Variants in DNAH9 observed in about 807,000 individuals in gnomAD.
DNAH9 encodes the protein DNAH9 variant protein.
In DNAH9, 345 loss-of-function variants were observed where a neutral mutation model predicts 471.6. The ratio of observed to expected loss-of-function variants is 0.73; its 90% CI spans 0.67 to 0.80. The LOEUF (loss-of-function observed/expected upper bound fraction) is 0.80. DNAH9 is among the 30% of genes least tolerant of loss of function. The pLI, the probability that DNAH9 is intolerant of heterozygous loss-of-function variation, is 0.00. For missense variants in DNAH9, 5,407 were observed against 5,609.2 expected, an observed-to-expected ratio of 0.96 and a Z score of 1.15; for synonymous variants, 2,093 against 2,123.6, an observed-to-expected ratio of 0.99 and a Z score of 0.40.
At position 11,923,731 on chromosome 17, in the gene DNAH9, T is replaced by C. The variant is rs1236811726; in HGVS notation, c.11750-83T>C. ...GCATGCCCGTGTTTGAGGGGTGATC[T>C]GAGCGTGTGCATTTCCTTATGAACA... is the stretch of plus-strand genomic sequence containing the variant. On this transcript the variant is annotated intron_variant, in intron 61 of 68. Coordinates refer to ENST00000262442, the MANE Select transcript of DNAH9 (RefSeq NM_001372.4). 1.9e-6 allele frequency: 3 copies of C among 1,549,964 alleles called. No homozygotes were observed. In the East Asian group the frequency reaches 6.8e-5, roughly 35 times the overall value.
intron 67 of DNAH9, among the ~76,000 whole-genome samples, chr17:11,957,927 CG>C (rs1412821791): frequency 2.6e-5 from 4 of 152,086 alleles, no homozygotes; most frequent in Non-Finnish European, 4.4e-5. Context: ...ATCTCAAAAT[CG>C]TAAGTTTAAT....
intron 2 of DNAH9, 107 bp downstream of exon 2, chr17:11,608,432 G>A (rs144614487): frequency 1.1e-4 from 98 of 860,602 alleles, no homozygotes; most frequent in African/African-American, 6.9e-4. Flanking sequence ...ACATCTCCTC[G>A]TTCTGCACAC....
At chr17:11,628,121 A>G (rs979334361) in intron 6 of DNAH9, among the ~76,000 whole-genome samples, 3 of 152,244 alleles carry the variant, frequency 2.0e-5, no homozygotes, top group African/African-American at 7.2e-5. Context: ...TTTTACTGTC[A>G]TCTTTCCTGC....
intron 26 of DNAH9, among the ~76,000 whole-genome samples, chr17:11,706,876 G>C (rs1199198687): frequency 6.6e-6 from 1 of 152,196 alleles, no homozygotes; most frequent in African/African-American, 2.4e-5. Context: ...CTCAAGATAT[G>C]TTCCTGGAAG....
chr17:11,652,506 C>T lies in DNAH9; in HGVS notation c.2354-255C>T, dbSNP rs538434468. On this transcript the variant is annotated intron_variant, in intron 13 of 68. Coordinates refer to ENST00000262442, the MANE Select transcript of DNAH9 (RefSeq NM_001372.4). Reference sequence around the variant, plus strand: ...TTCACCGTGTTAGCCAGGATGGTCTCGATCTCCTGACCTCGTGATCCGCCC... The same window carrying T: ...TTCACCGTGTTAGCCAGGATGGTCTTGATCTCCTGACCTCGTGATCCGCCC... Among the ~76,000 whole-genome samples, 340 of 151,960 alleles carry T rather than the reference C, an allele frequency of 2.2e-3. 2 individuals carry two copies. The highest frequency in any genetic ancestry group is 7.3e-3 in the African/African-American group (303 of 41,434).
chr17:11,818,666 T>A (rs1970197086), intron 45 of DNAH9, among the ~76,000 whole-genome samples: 1 of 152,096 alleles, frequency 6.6e-6, no homozygotes, highest in African/African-American at 2.4e-5. Context: ...CCTAAAGACT[T>A]GTTCTAGAAA....
chr17:11,859,643 GGC>G (rs1427900427), intron 50 of DNAH9, among the ~76,000 whole-genome samples: 1 of 152,096 alleles, frequency 6.6e-6, no homozygotes, highest in Non-Finnish European at 1.5e-5. Flanking sequence ...GCATGGTTCT[GGC>G]TTCTGGCGAG....
At chr17:11,902,958 G>A (rs1281954199) in intron 60 of DNAH9, 46 bp downstream of exon 60, 2 of 1,576,878 alleles carry the variant, frequency 1.3e-6, no homozygotes, top group African/African-American at 2.7e-5. Context: ...ATGGGGCAAG[G>A]GCAACCTCAG....
chr17:11,788,754 G>A (rs1968961702), intron 41 of DNAH9, among the ~76,000 whole-genome samples: 1 of 151,638 alleles, frequency 6.6e-6, no homozygotes, highest in South Asian at 2.1e-4. Flanking sequence ...TTATTGTGCT[G>A]GCTACAACTC....
Position 11,723,968 on chromosome 17 carries a change from C to T in DNAH9, c.5710-3850C>T, listed in dbSNP as rs531035878. ...GATTACAGGCGTGAGCCACTGTGCC[C>T]GGCTTGTTAAAAATTGAATTTTTAA... On this transcript the variant is annotated intron_variant, in intron 27 of 68. Coordinates refer to ENST00000262442, the MANE Select transcript of DNAH9 (RefSeq NM_001372.4). 4.1e-3 allele frequency among the ~76,000 whole-genome samples: 622 copies of T among 152,154 alleles called. 3 individuals carry two copies. The highest frequency in any genetic ancestry group is 0.013 in the African/African-American group (557 of 41,510).
chr17:11,730,763 T>TGAC (rs2075245748), intron 28 of DNAH9, among the ~76,000 whole-genome samples: 1 of 151,756 alleles, frequency 6.6e-6, no homozygotes, highest in South Asian at 2.1e-4. Context: ...ATGTTAGTGA[T>TGAC]GATGATGATG....
chr17:11,757,160 A>G (rs1219910841), intron 34 of DNAH9, among the ~76,000 whole-genome samples: 6 of 152,180 alleles, frequency 3.9e-5, no homozygotes, highest in Non-Finnish European at 8.8e-5. Context: ...TCACTTCTGC[A>G]GGATGAGTAA....
At chr17:11,870,125 A>G (rs576365322) in intron 51 of DNAH9, among the ~76,000 whole-genome samples, 1 of 152,334 alleles carries the variant, frequency 6.6e-6, no homozygotes, top group South Asian at 2.1e-4. Flanking sequence ...AAGAGGCAGG[A>G]AGTGGAAAGT....
chr17:11,778,362 AGAAAAG>A (rs1968538399), intron 38 of DNAH9, among the ~76,000 whole-genome samples: 2 of 124,352 alleles, frequency 1.6e-5, no homozygotes, highest in Admixed American at 8.0e-5. Flanking sequence ...AAAAAAAAAA[AGAAAAG>A]GGAAGAAAAA....
chr17:11,808,861 A>G (rs1027757583), intron 44 of DNAH9, among the ~76,000 whole-genome samples: 1 of 152,166 alleles, frequency 6.6e-6, no homozygotes, highest in African/African-American at 2.4e-5. Context: ...CATCCCCAAG[A>G]TGATTCCAAT....
At chr17:11,702,350 G>A (rs1597503729) in intron 24 of DNAH9, among the ~76,000 whole-genome samples, 1 of 152,214 alleles carries the variant, frequency 6.6e-6, no homozygotes, top group African/African-American at 2.4e-5. Context: ...AATGTTTAAA[G>A]TAACTCTGGC....
chr17:11,605,151 A>C (rs571612256), intron 1 of DNAH9, among the ~76,000 whole-genome samples: 1 of 152,220 alleles, frequency 6.6e-6, no homozygotes, highest in African/African-American at 2.4e-5. Flanking sequence ...TTCTCCCTGC[A>C]ATATACTTCT....
rs377379805 is a variant in DNAH9, at chr17:11,680,758, G to A, written c.3612G>A (p.Val1204=). The A allele has an allele frequency of 7.4e-6, 12 of 1,614,058 alleles. No homozygotes were observed. Among genetic ancestry groups the A allele is most frequent in the African/African-American group, 1.3e-5 (1 of 75,038 alleles). The change falls in exon 19 of 69, where the codon GTG becomes GTA. Residue 1204 remains valine, a synonymous_variant. Coordinates refer to ENST00000262442, the MANE Select transcript of DNAH9 (RefSeq NM_001372.4). ...LPEKWNNIKK[V]AITVKQQVAP... is the part of the protein sequence containing the mutation. ...AGAAATGGAACAACATAAAAAAGGT[G>A]GCCATTACTGTGAAGCAGCAGGTGG...
At chr17:11,908,312 T>A (rs927758187) in intron 61 of DNAH9, among the ~76,000 whole-genome samples, 3 of 152,224 alleles carry the variant, frequency 2.0e-5, no homozygotes, top group Non-Finnish European at 4.4e-5. Context: ...ACAAATTTTT[T>A]AATTGACAAA....
Sources: gnomAD v4.1 joint callset for allele counts (sites outside exome capture counted in the v4.1 genomes callset) on GRCh38, gnomAD v4.1.1 for gene constraint, MANE v1.5 for transcripts, NCBI Gene and HGNC (gene_info 2026-07-23, HGNC 2026-07-21) for gene names.